Variants in MVB12B observed in about 807,000 individuals in gnomAD.
MVB12B encodes ESCRT-I complex subunit MVB12B.
A neutral mutation model predicts 41.6 loss-of-function variants in MVB12B; 16 were observed. That is an observed-to-expected ratio of 0.38 (90% CI 0.26 to 0.58). MVB12B has a LOEUF of 0.58. Among genes scored for constraint, MVB12B ranks in the 20% least tolerant of loss-of-function variants. The pLI is 0.62. For synonymous variants in MVB12B, 133 were observed against 139.7 expected (o/e 0.95, Z 0.34); for missense variants, 274 against 380.2 (o/e 0.72, Z 2.32).
chr9:126,467,626 ATTTC>A (rs1833225814), intron 7 of MVB12B, among the ~76,000 whole-genome samples: 1 of 152,002 alleles, frequency 6.6e-6, no homozygotes, highest in Admixed American at 6.6e-5. Flanking sequence ...CAGCCAGTTT[ATTTC>A]TTTATATTGG....
intron 2 of MVB12B, among the ~76,000 whole-genome samples, chr9:126,352,159 GTTGTGT>G (rs1454000843): frequency 6.6e-6 from 1 of 152,068 alleles, no homozygotes; most frequent in African/African-American, 2.4e-5. Context: ...AGAAAAAAAT[GTTGTGT>G]TTGTATTTAT....
chr9:126,336,376 A>C (rs947461868), intron 1 of MVB12B, among the ~76,000 whole-genome samples: 2 of 152,378 alleles, frequency 1.3e-5, no homozygotes, highest in South Asian at 2.1e-4. Flanking sequence ...GTTCAGCATC[A>C]GTTAAGCCCA....
rs1830493717 is a variant in MVB12B at position 126,376,820 on chromosome 9, T to C, written c.205-4244T>C. On this transcript the variant is annotated intron_variant, in intron 2 of 9. Transcript: ENST00000361171. The surrounding 1 kb of genome is among the most constrained non-coding windows in gnomAD (Gnocchi z 4.1). ...GGTTCCTTTCTGCAGAAGATACACC[T>C]GAAACTGGGGTGGGCACCTGGGAGT... Among the ~76,000 whole-genome samples, 1 of 152,114 alleles carries C rather than the reference T, an allele frequency of 6.6e-6. No homozygotes were observed. Among genetic ancestry groups the C allele is most frequent in the South Asian group, 2.1e-4 (1 of 4,822 alleles).
intron 6 of MVB12B, among the ~76,000 whole-genome samples, chr9:126,406,455 C>T (rs1045196418): frequency 6.6e-6 from 1 of 152,224 alleles, no homozygotes; most frequent in Non-Finnish European, 1.5e-5. Flanking sequence ...GCTTGCCCTG[C>T]GCTCTCACGC....
At chr9:126,346,085 G>C (rs1360661466) in intron 2 of MVB12B, among the ~76,000 whole-genome samples, 3 of 152,172 alleles carry the variant, frequency 2.0e-5, no homozygotes, top group African/African-American at 4.8e-5. Flanking sequence ...TTATTCTGAG[G>C]GTGGTGGGAG....
intron 9 of MVB12B, among the ~76,000 whole-genome samples, chr9:126,500,745 GTGGCACTCTCCTCTGCACCT>G (rs939008327): frequency 1.3e-5 from 2 of 152,192 alleles, no homozygotes; most frequent in African/African-American, 4.8e-5. Context: ...ATGTGTGCCC[GTGGCACTCTCCTCTGCACCT>G]TGGCACCTAT....
chr9:126,416,681 C>T (rs1163385106), intron 6 of MVB12B, among the ~76,000 whole-genome samples: 3 of 152,170 alleles, frequency 2.0e-5, no homozygotes, highest in East Asian at 1.9e-4. Flanking sequence ...TTCATTAATA[C>T]CTAGCTTTCC....
At chr9:126,502,519 C>G (rs571571847) in intron 9 of MVB12B, among the ~76,000 whole-genome samples, 2 of 151,978 alleles carry the variant, frequency 1.3e-5, no homozygotes, top group East Asian at 3.9e-4. Context: ...AGCAGCAGGG[C>G]TGAGCCGTGG....
intron 9 of MVB12B, among the ~76,000 whole-genome samples, chr9:126,501,586 G>A (rs12379124): frequency 6.6e-6 from 1 of 152,162 alleles, no homozygotes. Context: ...CATGGACATA[G>A]TGCTGGGCTT....
In MVB12B at chr9:126,388,258, T is replaced by C. The variant is rs1830854866; in HGVS notation, c.409+1600T>C. ...CTACTTTCTATGTAGATTTGCCTATTCTGGACATCTCATATAAATGGAATC... is the reference window on the plus strand; with the variant it reads ...CTACTTTCTATGTAGATTTGCCTATCCTGGACATCTCATATAAATGGAATC... On this transcript the variant is annotated intron_variant, in intron 4 of 9. Coordinates refer to ENST00000361171, the MANE Select transcript of MVB12B (RefSeq NM_033446.3). Among the ~76,000 whole-genome samples the C allele has an allele frequency of 2.6e-5, 4 of 152,228 alleles. 1 individual carries two copies. In the South Asian group the frequency reaches 8.3e-4, roughly 32 times the overall value.
intron 2 of MVB12B, among the ~76,000 whole-genome samples, chr9:126,360,462 C>A (rs552040134): frequency 3.3e-5 from 5 of 152,326 alleles, no homozygotes; most frequent in African/African-American, 1.2e-4. Context: ...TGGATTTGGC[C>A]TGCAAGCTGT....
chr9:126,482,061 G>A (rs1484436504), intron 8 of MVB12B, among the ~76,000 whole-genome samples: 4 of 152,242 alleles, frequency 2.6e-5, no homozygotes, highest in South Asian at 2.1e-4. Flanking sequence ...CAGAGGGACC[G>A]AGTGAGCTGG....
Position 126,386,458 on chromosome 9 carries a change from C to G in MVB12B, c.313-104C>G. ...CTCTAATTAACCTGCTGTCATAAAGCTGCACGAGTCATTGTGTTAAATATG... is the reference window on the plus strand; with the variant it reads ...CTCTAATTAACCTGCTGTCATAAAGGTGCACGAGTCATTGTGTTAAATATG... On this transcript the variant is annotated intron_variant, in intron 3 of 9. Transcript: ENST00000361171. The surrounding 1 kb of genome is among the most constrained non-coding windows in gnomAD (Gnocchi z 4.3). 1 of 727,266 alleles carries G rather than the reference C, an allele frequency of 1.4e-6. No individual in the cohort carries two copies. The highest frequency in any genetic ancestry group is 2.7e-5 in the East Asian group (1 of 37,042). 45.1% of individuals were successfully genotyped at this position (727,266 alleles called of 1,614,324 possible). A position where few individuals can be genotyped will look rare whatever the true frequency, so the allele number is the denominator to read the frequency against.
Position 126,401,617 on chromosome 9 carries a change from G to A in MVB12B, c.662+5920G>A, listed in dbSNP as rs75090434. Among the ~76,000 whole-genome samples the A allele has an allele frequency of 4.1e-4, 62 of 152,326 alleles. No individual in the cohort carries two copies. In the East Asian group the frequency reaches 0.01, roughly 25 times the overall value. On this transcript the variant is annotated intron_variant, in intron 6 of 9. Coordinates refer to ENST00000361171, the MANE Select transcript of MVB12B (RefSeq NM_033446.3). ...TCACTCTGATCCCAGGGCTGTCATC[G>A]GAAAGGTTAATGGCCCTTCCTAGAG...
chr9:126,407,704 A>G (rs1409378511), intron 6 of MVB12B, among the ~76,000 whole-genome samples: 1 of 152,094 alleles, frequency 6.6e-6, no homozygotes, highest in African/African-American at 2.4e-5. Flanking sequence ...TGGCTACGGC[A>G]TGTCCTCCTG....
intron 2 of MVB12B, among the ~76,000 whole-genome samples, chr9:126,371,772 TCTTTA>T (rs1332668597): frequency 7.2e-5 from 11 of 152,180 alleles, no homozygotes; most frequent in African/African-American, 1.4e-4. Flanking sequence ...TAAGATAAGA[TCTTTA>T]CTTTAAGGAC....
At chr9:126,338,366 T>C (rs574880318) in intron 1 of MVB12B, among the ~76,000 whole-genome samples, 5 of 152,356 alleles carry the variant, frequency 3.3e-5, no homozygotes, top group Admixed American at 2.0e-4. Flanking sequence ...TTCCAGGGCA[T>C]GGTGACCCTC....
chr9:126,431,893 G>T (rs866229286), intron 7 of MVB12B, among the ~76,000 whole-genome samples: 2 of 152,114 alleles, frequency 1.3e-5, no homozygotes, highest in Non-Finnish European at 2.9e-5. Context: ...GCAATAGGTC[G>T]GCTCATTCTT....
rs143305804 is a variant in MVB12B, at chr9:126,455,658, T to A, written c.758-25711T>A. 3.4e-3 allele frequency among the ~76,000 whole-genome samples: 512 copies of A among 149,086 alleles called. 1 individual carries two copies. Among genetic ancestry groups the A allele is most frequent in the African/African-American group, 0.012 (491 of 40,520 alleles). Reference sequence around the variant, plus strand: ...TGCCACCATGCCCAGCTGATTTTTTTGATATTTTATAGAGATGGGGTCTTG... The same window carrying A: ...TGCCACCATGCCCAGCTGATTTTTTAGATATTTTATAGAGATGGGGTCTTG... On this transcript the variant is annotated intron_variant, in intron 7 of 9. Coordinates refer to ENST00000361171, the MANE Select transcript of MVB12B (RefSeq NM_033446.3).
Sources: gnomAD v4.1 joint callset for allele counts (sites outside exome capture counted in the v4.1 genomes callset) on GRCh38, gnomAD v4.1.1 for gene constraint, Gnocchi (gnomAD v3.1) non-coding constraint, MANE v1.5 for transcripts, NCBI Gene and HGNC (gene_info 2026-07-23, HGNC 2026-07-21) for gene names.